Variants in ATP6V1H observed in about 807,000 individuals in gnomAD.
ATP6V1H encodes V-type proton ATPase subunit H.
In ATP6V1H, 39 loss-of-function variants were observed where a neutral mutation model predicts 71.7. That is an observed-to-expected ratio of 0.54 (90% CI 0.42 to 0.71). The LOEUF (loss-of-function observed/expected upper bound fraction) is 0.71. Ranked by LOEUF, ATP6V1H falls within the 30% of genes least tolerant of loss-of-function variation. The pLI is 0.00. For synonymous variants in ATP6V1H, 192 were observed against 199.3 expected, an observed-to-expected ratio of 0.96 and a Z score of 0.31; for missense variants, 509 against 594.9, an observed-to-expected ratio of 0.86 and a Z score of 1.50.
chr8:53,755,471 C>T (rs533772966), intron 12 of ATP6V1H, among the ~76,000 whole-genome samples: 1 of 136,834 alleles, frequency 7.3e-6, no homozygotes, highest in Non-Finnish European at 1.6e-5. Context: ...AAGCACTAAC[C>T]AAGCAGCCCT....
chr8:53,767,307 A>G (rs1482553725), intron 11 of ATP6V1H, among the ~76,000 whole-genome samples: 1 of 152,200 alleles, frequency 6.6e-6, no homozygotes, highest in Non-Finnish European at 1.5e-5. Flanking sequence ...TAGAAACAGG[A>G]AACTGTGTGT....
chr8:53,790,629 C>T (rs1809537101), intron 9 of ATP6V1H, among the ~76,000 whole-genome samples: 1 of 152,322 alleles, frequency 6.6e-6, no homozygotes, highest in African/African-American at 2.4e-5. Context: ...TGGAGGCCAG[C>T]CCAAGAGCCC....
In ATP6V1H at chr8:53,753,673, A is replaced by G. The variant is rs533415585; in HGVS notation, c.1277+2882T>C. Among the ~76,000 whole-genome samples the G allele has an allele frequency of 2.5e-3, 382 of 152,282 alleles. 1 individual carries two copies. The highest frequency in any genetic ancestry group is 8.4e-3 in the African/African-American group (347 of 41,556). ...AGAGGGCTCTATATACCATCTATCCATCTGTTTTTCATATTTAACACATTT... is the reference window on the plus strand; with the variant it reads ...AGAGGGCTCTATATACCATCTATCCGTCTGTTTTTCATATTTAACACATTT... On this transcript the variant is annotated intron_variant, in intron 12 of 13. Transcript: ENST00000359530.
chr8:53,787,547 C>T (rs1563467185), intron 9 of ATP6V1H, among the ~76,000 whole-genome samples: 1 of 152,170 alleles, frequency 6.6e-6, no homozygotes, highest in Non-Finnish European at 1.5e-5. Flanking sequence ...GGCTGTAATT[C>T]TTAAGGCTTT....
intron 4 of ATP6V1H, among the ~76,000 whole-genome samples, chr8:53,826,465 CAAA>C (rs918527355): frequency 1.9e-4 from 29 of 151,982 alleles, no homozygotes; most frequent in African/African-American, 2.4e-5. Flanking sequence ...ATGTAGCTGT[CAAA>C]AACAGAACAG....
intron 13 of ATP6V1H, among the ~76,000 whole-genome samples, chr8:53,742,259 A>G (rs1322784648): frequency 6.6e-6 from 1 of 152,198 alleles, no homozygotes; most frequent in Non-Finnish European, 1.5e-5. Flanking sequence ...TGCCTGCATT[A>G]CAGGATATTA....
intron 9 of ATP6V1H, among the ~76,000 whole-genome samples, chr8:53,775,767 T>G (rs553030989): frequency 2.6e-5 from 4 of 152,280 alleles, no homozygotes; most frequent in Non-Finnish European, 5.9e-5. Context: ...GATTGGTGTG[T>G]TTACAATCCC....
At chr8:53,829,578 C>A (rs780417136) in intron 3 of ATP6V1H, 45 bp from the exon 4 acceptor site, 2 of 1,257,406 alleles carry the variant, frequency 1.6e-6, no homozygotes, top group South Asian at 2.6e-5. Context: ...TATTTGCAGA[C>A]ACATTTCAAT....
intron 2 of ATP6V1H, among the ~76,000 whole-genome samples, chr8:53,835,200 C>T (rs1411617017): frequency 6.6e-6 from 1 of 152,116 alleles, no homozygotes; most frequent in Admixed American, 6.6e-5. Context: ...AGAGCTGCCT[C>T]GGGTCAGGCT....
In ATP6V1H at chr8:53,837,463, A is replaced by G. The variant is rs116249231; in HGVS notation, c.113+4115T>C. ...CAAATAATCTTGAAAACACACACACATGTTATAATGCTAAGGCTGTAAATG... is the reference window on the plus strand; with the variant it reads ...CAAATAATCTTGAAAACACACACACGTGTTATAATGCTAAGGCTGTAAATG... On this transcript the variant is annotated intron_variant, in intron 2 of 13. Transcript: ENST00000359530. Among the ~76,000 whole-genome samples the G allele has an allele frequency of 3.0e-3, 453 of 150,116 alleles. 3 individuals are homozygous for G. Among genetic ancestry groups the G allele is most frequent in the African/African-American group, 0.011 (431 of 40,538 alleles).
At chr8:53,820,515 TA>T (rs1198956484) in intron 4 of ATP6V1H, among the ~76,000 whole-genome samples, 1 of 151,662 alleles carries the variant, frequency 6.6e-6, no homozygotes, top group African/African-American at 2.4e-5. Context: ...AAAATTTTTT[TA>T]ATTAGCAAGA....
At chr8:53,838,127 C>CTTTTTTTTTTTTTTTTTTTT (rs11388813) in intron 2 of ATP6V1H, among the ~76,000 whole-genome samples, 1 of 146,326 alleles carries the variant, frequency 6.8e-6, no homozygotes. Flanking sequence ...CTGTTACTGT[C>CTTTTTTTTTTTTTTTTTTTT]TTTTTTTTTT....
chr8:53,772,769 T>C (rs1458453945), intron 9 of ATP6V1H, among the ~76,000 whole-genome samples: 1 of 151,994 alleles, frequency 6.6e-6, no homozygotes, highest in Admixed American at 6.6e-5. Context: ...TTTATAACAA[T>C]AAGCTGTCAT....
Position 53,833,505 on chromosome 8 carries a change from A to G in ATP6V1H, c.114-419T>C, listed in dbSNP as rs141392711. Among the ~76,000 whole-genome samples the G allele has an allele frequency of 2.2e-3, 335 of 151,882 alleles. 1 individual carries two copies. Among genetic ancestry groups the G allele is most frequent in the African/African-American group, 7.7e-3 (318 of 41,410 alleles). ...TTTATCAAGTCCAAAGCCACTTTAT[A>G]TGAATTTCTACGACCATTTTTCTCT... On this transcript the variant is annotated intron_variant, in intron 2 of 13. Transcript: ENST00000359530.
At chr8:53,761,784 T>C (rs1808281362) in intron 11 of ATP6V1H, among the ~76,000 whole-genome samples, 1 of 152,238 alleles carries the variant, frequency 6.6e-6, no homozygotes, top group African/African-American at 2.4e-5. Flanking sequence ...ACAACAGAGA[T>C]AGGTGGGCCT....
chr8:53,723,070 C>T (rs1308537069), intron 13 of ATP6V1H, among the ~76,000 whole-genome samples: 4 of 152,150 alleles, frequency 2.6e-5, no homozygotes, highest in Non-Finnish European at 5.9e-5. Context: ...AACACGTGGG[C>T]CAGATGTTTC....
intron 7 of ATP6V1H, 84 bp downstream of exon 7, chr8:53,811,080 G>C (rs1179176289): frequency 8.3e-7 from 1 of 1,198,292 alleles, no homozygotes; most frequent in Non-Finnish European, 1.2e-6. Flanking sequence ...TGGGGAACTA[G>C]TAAACACCTT....
chr8:53,811,139 TAGGCC>T lies in ATP6V1H; in HGVS notation c.579+20_579+24del. 6.2e-7 allele frequency: 1 copy of T among 1,605,428 alleles called. No individual in the cohort carries two copies. Among genetic ancestry groups the T allele is most frequent in the South Asian group, 1.1e-5 (1 of 90,558 alleles). ...CAAAATAATTTATTTTGGGGATGTTTAGGCCAGTGAAGGAATATACTTACATCACT... is the reference window on the plus strand; with the variant it reads ...CAAAATAATTTATTTTGGGGATGTTTAGTGAAGGAATATACTTACATCACT... On this transcript the variant is annotated intron_variant, in intron 7 of 13. Coordinates refer to ENST00000359530, the MANE Select transcript of ATP6V1H (RefSeq NM_015941.4).
intron 4 of ATP6V1H, among the ~76,000 whole-genome samples, chr8:53,819,304 A>G (rs2130487163): frequency 1.3e-5 from 2 of 151,320 alleles, no homozygotes; most frequent in Admixed American, 1.3e-4. Flanking sequence ...GGCTGAGACA[A>G]GCAGATCACT....
Sources: gnomAD v4.1 joint callset for allele counts (sites outside exome capture counted in the v4.1 genomes callset) on GRCh38, gnomAD v4.1.1 for gene constraint, MANE v1.5 for transcripts, NCBI Gene and HGNC (gene_info 2026-07-23, HGNC 2026-07-21) for gene names.